The following ROCK1 variants were observed in gnomAD, a reference collection of about 807,000 sequenced individuals.
ROCK1 encodes the protein Rho associated coiled-coil containing protein kinase 1.
A neutral mutation model predicts 196.8 loss-of-function variants in ROCK1; 36 were observed. The observed-to-expected ratio is 0.18, with a 90% CI of 0.14 to 0.24. The LOEUF is 0.24. Among genes scored for constraint, ROCK1 ranks in the 10% least tolerant of loss-of-function variants. The pLI, the probability that ROCK1 is intolerant of heterozygous loss-of-function variation, is 1.00. For missense variants in ROCK1, 920 were observed against 1,562.0 expected (o/e 0.59, Z 6.93); for synonymous variants, 443 against 515.9 (o/e 0.86, Z 1.91).
At chr18:21,044,220 G>A (rs769397677) in intron 5 of ROCK1, 34 bp from the exon 6 acceptor site, 32 of 1,481,642 alleles carry the variant, frequency 2.2e-5, no homozygotes, top group Non-Finnish European at 2.6e-5. Flanking sequence ...AGTATTTTCT[G>A]AAACAGATTA....
chr18:20,968,595 C>T (rs954502454), intron 25 of ROCK1, 177 bp downstream of exon 25: 10 of 547,168 alleles, frequency 1.8e-5, no homozygotes, highest in Admixed American at 1.4e-4. Context: ...CATGAGCCAC[C>T]GCGCCTGGCC....
intron 1 of ROCK1, among the ~76,000 whole-genome samples, chr18:21,092,288 C>G (rs1004039603): frequency 6.6e-6 from 1 of 151,872 alleles, no homozygotes; most frequent in African/African-American, 2.4e-5. Flanking sequence ...TTGGATCAAC[C>G]AAACAAAATA....
intron 32 of ROCK1, among the ~76,000 whole-genome samples, chr18:20,952,598 T>A (rs924305416): frequency 2.1e-4 from 32 of 151,936 alleles, no homozygotes; most frequent in Non-Finnish European, 1.5e-5. Flanking sequence ...GCCAACATGA[T>A]GAAACCCTCT....
In ROCK1 at chr18:20,950,966, A is replaced by C. The variant is rs1481188767; in HGVS notation, c.*418T>G. 1 of 158,172 alleles carries C rather than the reference A, an allele frequency of 6.3e-6. No homozygotes were observed. Among genetic ancestry groups the C allele is most frequent in the African/African-American group, 2.4e-5 (1 of 41,606 alleles). 9.8% of individuals were successfully genotyped at this position (158,172 alleles called of 1,614,324 possible). On this transcript the variant is annotated 3_prime_UTR_variant, in exon 33 of 33. Transcript: ENST00000399799. ...CAAAACTTCAGTTTGTCTCATTTTG[A>C]GATATTTTCTTTACTCCTTCCATGA...
intron 13 of ROCK1, among the ~76,000 whole-genome samples, chr18:21,015,115 C>T (rs1418562936): frequency 6.6e-6 from 1 of 152,070 alleles, no homozygotes. Context: ...CTCTTTCTGA[C>T]ATAGTTTGAG....
intron 1 of ROCK1, among the ~76,000 whole-genome samples, chr18:21,109,826 A>G (rs1321746148): frequency 5.3e-5 from 8 of 152,174 alleles, no homozygotes; most frequent in Non-Finnish European, 1.5e-5. Context: ...GAATGGTATT[A>G]TTTTGTTTCC....
chr18:20,987,676 C>T (rs2035588984), intron 18 of ROCK1, among the ~76,000 whole-genome samples: 1 of 152,156 alleles, frequency 6.6e-6, no homozygotes, highest in Non-Finnish European at 1.5e-5. Flanking sequence ...TTTCCATGTT[C>T]ATGTAACTAG....
intron 1 of ROCK1, among the ~76,000 whole-genome samples, chr18:21,109,761 CTACAT>C (rs913293305): frequency 1.2e-4 from 19 of 152,104 alleles, no homozygotes; most frequent in African/African-American, 4.1e-4. Context: ...TTTAAACAAT[CTACAT>C]TAATTTTCCT....
chr18:21,020,330 T>A (rs1259003667), intron 11 of ROCK1, 91 bp from the exon 12 acceptor site: 3 of 588,140 alleles, frequency 5.1e-6, no homozygotes, highest in Non-Finnish European at 5.4e-6. Flanking sequence ...TTAAACCTTT[T>A]TAGAAAATAA....
At chr18:21,018,341 T>C (rs167030) in intron 12 of ROCK1, among the ~76,000 whole-genome samples, 31,000 of 151,718 alleles carry the variant, frequency 0.2, 7,095 homozygotes, top group African/African-American at 0.56. Context: ...ACCAGCCTGG[T>C]CAACATGGTG....
chr18:20,969,007 A>G, intron 24 of ROCK1, 108 bp downstream of exon 24: 2 of 882,776 alleles, frequency 2.3e-6, no homozygotes, highest in Non-Finnish European at 3.5e-6. Flanking sequence ...AGGCTACAGA[A>G]GTTACTTAAT....
intron 1 of ROCK1, among the ~76,000 whole-genome samples, chr18:21,097,064 A>T (rs1212240352): frequency 6.6e-6 from 1 of 152,214 alleles, no homozygotes; most frequent in Non-Finnish European, 1.5e-5. Flanking sequence ...GAAATACGAC[A>T]GCAAAAGTAG....
chr18:20,996,621 G>T (rs1199522332), intron 16 of ROCK1, among the ~76,000 whole-genome samples: 1 of 152,116 alleles, frequency 6.6e-6, no homozygotes, highest in Non-Finnish European at 1.5e-5. Context: ...TGGCCATAGG[G>T]TAATGGTAAG....
At chr18:21,027,891 A>G (rs1181826150) in intron 10 of ROCK1, among the ~76,000 whole-genome samples, 5 of 143,486 alleles carry the variant, frequency 3.5e-5, no homozygotes, top group Non-Finnish European at 6.0e-5. Context: ...CCTCCCGAGT[A>G]GCTGGGACTA....
chr18:20,997,644 T>A (rs2035683457), intron 16 of ROCK1, among the ~76,000 whole-genome samples: 1 of 152,148 alleles, frequency 6.6e-6, no homozygotes, highest in Non-Finnish European at 1.5e-5. Flanking sequence ...TGGGACCTCA[T>A]AAATATTTAC....
rs774762031 is a variant in ROCK1 at position 20,955,019 on chromosome 18, C to T, written c.3617G>A (p.Cys1206Tyr). ...TGGTTCCATCTCTACATCTTTTCTA[C>T]ATTCACCTTCATTTGCATATAGTAT... Reference protein sequence around the residue: ...FQILYANEGECRKDVEMEPVQ... With the variant: ...FQILYANEGEYRKDVEMEPVQ... The change falls in exon 31 of 33, where the codon TGT (cysteine) becomes TAT (tyrosine). Residue 1206 changes from cysteine (C) to tyrosine (Y), a missense_variant. By Grantham distance (194) the Cys-to-Tyr change is radical. Around this residue, in one of 6 missense-constraint regions of ROCK1, gnomAD observed 49 missense variants for 180.4 expected, o/e 0.27. Coordinates refer to ENST00000399799, the MANE Select transcript of ROCK1 (RefSeq NM_005406.3). The T allele has an allele frequency of 6.2e-7, 1 of 1,612,510 alleles. No individual in the cohort carries two copies. Among genetic ancestry groups the T allele is most frequent in the South Asian group, 1.1e-5 (1 of 90,850 alleles).
At position 20,949,064 on chromosome 18, in the gene ROCK1, A is replaced by AC. The variant is rs1460097751; in HGVS notation, c.*2319dup. On this transcript the variant is annotated 3_prime_UTR_variant, in exon 33 of 33. Transcript: ENST00000399799. ...GAAGAGGAAGCAGCTCTCCTGGTTG[A>AC]CCCAGTTCTGTAATGTGGCATTGGG... The AC allele has an allele frequency of 1.3e-5, 2 of 152,102 alleles. No individual in the cohort carries two copies. Among genetic ancestry groups the AC allele is most frequent in the East Asian group, 3.8e-4 (2 of 5,202 alleles). 9.4% of individuals were successfully genotyped at this position (152,102 alleles called of 1,614,324 possible).
chr18:20,979,414 G>C (rs1231377868), intron 22 of ROCK1, among the ~76,000 whole-genome samples: 1 of 152,110 alleles, frequency 6.6e-6, no homozygotes, highest in African/African-American at 2.4e-5. Context: ...ATGAGGTCAG[G>C]AGTTTGAGAC....
At chr18:21,048,613 G>A (rs1249153058) in intron 4 of ROCK1, among the ~76,000 whole-genome samples, 2 of 152,038 alleles carry the variant, frequency 1.3e-5, no homozygotes, top group Non-Finnish European at 2.9e-5. Flanking sequence ...GCAGTGATGT[G>A]AACACGGCTC....
Sources: gnomAD v4.1 joint callset for allele counts (sites outside exome capture counted in the v4.1 genomes callset) on GRCh38, gnomAD v4.1.1 for gene constraint, gnomAD v4.1.1 regional missense constraint, MANE v1.5 for transcripts, NCBI Gene and HGNC (gene_info 2026-07-23, HGNC 2026-07-21) for gene names.